HDAC9: variants seen among roughly 807,000 people sequenced by gnomAD.
HDAC9 encodes histone deacetylase 9.
A neutral mutation model predicts 139.4 loss-of-function variants in HDAC9; 41 were observed. The ratio of observed to expected loss-of-function variants is 0.29; its 90% CI spans 0.23 to 0.38. HDAC9 has a LOEUF of 0.38. Ranked by LOEUF, HDAC9 falls within the 10% of genes least tolerant of loss-of-function variation. The pLI is 1.00. For missense variants in HDAC9, 1,147 were observed against 1,297.0 expected (o/e 0.88, Z 1.78); for synonymous variants, 517 against 476.2 (o/e 1.09, Z -1.12).
At chr7:18,854,649 G>C (rs886492065) in intron 21 of HDAC9, among the ~76,000 whole-genome samples, 4 of 151,932 alleles carry the variant, frequency 2.6e-5, no homozygotes, top group Non-Finnish European at 5.9e-5. Context: ...CTCTAGTCTA[G>C]TATGGGATGC....
chr7:18,736,569 T>A (rs921655841), intron 13 of HDAC9, among the ~76,000 whole-genome samples: 10 of 152,238 alleles, frequency 6.6e-5, no homozygotes, highest in East Asian at 1.9e-4. Flanking sequence ...CAGCCTTGCA[T>A]CCCAGCGATG....
At chr7:18,312,671 C>T (rs899597759) in intron 1 of HDAC9, among the ~76,000 whole-genome samples, 1 of 152,114 alleles carries the variant, frequency 6.6e-6, no homozygotes, top group Non-Finnish European at 1.5e-5. Context: ...GGGTCTTCAG[C>T]AGGGACTGAT....
At chr7:18,197,784 T>C (rs1705975620) in intron 2 of HDAC9, among the ~76,000 whole-genome samples, 1 of 152,202 alleles carries the variant, frequency 6.6e-6, no homozygotes. Flanking sequence ...CTTCAGATAT[T>C]TGAGATTTGT....
At chr7:18,890,072 G>A (rs181859572) in intron 22 of HDAC9, among the ~76,000 whole-genome samples, 1 of 152,166 alleles carries the variant, frequency 6.6e-6, no homozygotes, top group Admixed American at 6.5e-5. Flanking sequence ...TTCCTCATAT[G>A]CAAATAGGAC....
At chr7:18,839,270 A>G (rs949459612) in intron 21 of HDAC9, among the ~76,000 whole-genome samples, 1 of 152,032 alleles carries the variant, frequency 6.6e-6, no homozygotes, top group Non-Finnish European at 1.5e-5. Flanking sequence ...TAAGTGCTTT[A>G]TATAAGTCAC....
At position 18,437,776 on chromosome 7, in the gene HDAC9, C is replaced by T. The variant is rs988970349; in HGVS notation, c.-41-58486C>T. On this transcript the variant is annotated intron_variant, in intron 1 of 3. Coordinates refer to the HDAC9 transcript ENST00000413509. ...TAAAAATATTATTAAAAGTTTAGTCCCAAAAATGAAAATAATTCATACATT... is the reference window on the plus strand; with the variant it reads ...TAAAAATATTATTAAAAGTTTAGTCTCAAAAATGAAAATAATTCATACATT... Among the ~76,000 whole-genome samples, 6 of 150,838 alleles carry T rather than the reference C, an allele frequency of 4.0e-5. 1 individual carries two copies. The highest frequency in any genetic ancestry group is 4.0e-4 in the Admixed American group (6 of 15,114).
intron 13 of HDAC9, among the ~76,000 whole-genome samples, chr7:18,744,092 G>A (rs1787718786): frequency 7.1e-6 from 1 of 139,960 alleles, no homozygotes; most frequent in Non-Finnish European, 1.5e-5. Context: ...CCAGGTTCAA[G>A]CGATCCTCCT....
intron 1 of HDAC9, chr7:18,430,654 G>T (rs1790558290): frequency 6.6e-6 from 1 of 152,122 alleles, no homozygotes; most frequent in South Asian, 2.1e-4. Context: ...GGCCAAGATG[G>T]GTAGATTGCT....
intron 1 of HDAC9, among the ~76,000 whole-genome samples, chr7:18,382,639 A>G (rs1237551729): frequency 2.0e-5 from 3 of 152,256 alleles, no homozygotes; most frequent in African/African-American, 7.2e-5. Context: ...TAGCAGTCTA[A>G]TAATTTCAGA....
At chr7:18,237,597 A>G (rs2128187861) in intron 2 of HDAC9, among the ~76,000 whole-genome samples, 1 of 152,306 alleles carries the variant, frequency 6.6e-6, no homozygotes, top group East Asian at 1.9e-4. Context: ...TAGGGAGTTA[A>G]TGGTCAGAAT....
At chr7:18,498,263 A>T (rs1797459549) in intron 2 of HDAC9, among the ~76,000 whole-genome samples, 1 of 152,072 alleles carries the variant, frequency 6.6e-6, no homozygotes, top group Admixed American at 6.6e-5. Context: ...TCTTTATTGT[A>T]TACTTCCTGT....
chr7:18,626,339 G>T (rs948059046), intron 6 of HDAC9, among the ~76,000 whole-genome samples: 3 of 152,154 alleles, frequency 2.0e-5, no homozygotes, highest in Non-Finnish European at 2.9e-5. Context: ...CCTGCCAGTA[G>T]ATTAAGCCCA....
chr7:18,220,440 TG>T (rs1027351544), intron 2 of HDAC9, among the ~76,000 whole-genome samples: 10 of 152,130 alleles, frequency 6.6e-5, no homozygotes, highest in African/African-American at 2.4e-4. Flanking sequence ...AGCTCTTAAG[TG>T]TATAGATACA....
At chr7:18,458,872 T>C in intron 1 of HDAC9, 1 of 1,535,034 alleles carries the variant, frequency 6.5e-7, no homozygotes, top group Non-Finnish European at 8.7e-7. Flanking sequence ...CCATGGGTGC[T>C]ATTCTGTGGC....
intron 22 of HDAC9, among the ~76,000 whole-genome samples, chr7:18,911,637 A>G (rs985339805): frequency 5.3e-5 from 8 of 151,596 alleles, no homozygotes; most frequent in Middle Eastern, 3.4e-3. Flanking sequence ...GTTTATTGCT[A>G]TAAACTGCCC....
chr7:18,210,495 C>T (rs1476756141), intron 2 of HDAC9, among the ~76,000 whole-genome samples: 1 of 152,072 alleles, frequency 6.6e-6, no homozygotes, highest in Non-Finnish European at 1.5e-5. Flanking sequence ...AAAGATATGT[C>T]GAGAAGAGTT....
chr7:18,132,445 T>C lies in HDAC9; in HGVS notation c.-96-29784T>C, dbSNP rs1471387208. Among the ~76,000 whole-genome samples, 3 of 152,148 alleles carry C rather than the reference T, an allele frequency of 2.0e-5. No homozygotes were observed. The South Asian group carries it at 6.2e-4, about 31-fold the overall frequency. ...AAGAGACAGGGCCTTTGTCTCACTC[T>C]GGTGCCCAGGTTAAAGTGCAGCGGG... On this transcript the variant is annotated intron_variant, in intron 1 of 12. Coordinates refer to the HDAC9 transcript ENST00000417496.
chr7:18,729,670 G>A (rs1785863865), intron 13 of HDAC9, among the ~76,000 whole-genome samples: 3 of 133,228 alleles, frequency 2.3e-5, no homozygotes. Flanking sequence ...TCATTTCAGA[G>A]AGTTAGGTTT....
At chr7:18,778,952 G>A (rs1318253072) in intron 16 of HDAC9, among the ~76,000 whole-genome samples, 1 of 152,046 alleles carries the variant, frequency 6.6e-6, no homozygotes, top group East Asian at 1.9e-4. Context: ...CACATGGCAT[G>A]CCCCTTTTCT....
Sources: gnomAD v4.1 joint callset for allele counts (sites outside exome capture counted in the v4.1 genomes callset) on GRCh38, gnomAD v4.1.1 for gene constraint, MANE v1.5 for transcripts, NCBI Gene and HGNC (gene_info 2026-07-23, HGNC 2026-07-21) for gene names.